The following UNC5C variants were observed in gnomAD, a reference collection of about 807,000 sequenced individuals.
The protein encoded by UNC5C is unc-5 netrin receptor C.
A neutral mutation model predicts 99.8 loss-of-function variants in UNC5C; 47 were observed. The ratio of observed to expected loss-of-function variants is 0.47; its 90% CI spans 0.37 to 0.60. The LOEUF is 0.60. Among genes scored for constraint, UNC5C ranks in the 20% least tolerant of loss-of-function variants. The pLI, the probability that UNC5C is intolerant of heterozygous loss-of-function variation, is 0.00. For missense variants in UNC5C, 1,062 were observed against 1,165.9 expected (o/e 0.91, Z 1.30); for synonymous variants, 487 against 452.2 (o/e 1.08, Z -0.98).
At chr4:95,378,796 A>G (rs538828354) in intron 1 of UNC5C, among the ~76,000 whole-genome samples, 1 of 152,322 alleles carries the variant, frequency 6.6e-6, no homozygotes, top group Admixed American at 6.5e-5. Context: ...TCCTATAGCT[A>G]CTAAGCACAA....
chr4:95,210,555 T>G (rs1186867964), intron 10 of UNC5C, among the ~76,000 whole-genome samples: 1 of 152,152 alleles, frequency 6.6e-6, no homozygotes, highest in Non-Finnish European at 1.5e-5. Context: ...CTATGTCTCA[T>G]GTGTTTTCTA....
chr4:95,547,009 G>A (rs13149449), intron 1 of UNC5C, among the ~76,000 whole-genome samples: 8,704 of 151,728 alleles, frequency 0.057, 267 homozygotes, highest in Middle Eastern at 0.071. Context: ...AGGGAGTCGC[G>A]CGGTTGATTC....
At chr4:95,282,118 G>A (rs960759461) in intron 3 of UNC5C, among the ~76,000 whole-genome samples, 3 of 152,068 alleles carry the variant, frequency 2.0e-5, no homozygotes, top group African/African-American at 4.8e-5. Flanking sequence ...GCATCACCAG[G>A]GAGAGACTGC....
chr4:95,216,002 A>C (rs1050387595), intron 10 of UNC5C, 122 bp downstream of exon 10: 44 of 676,778 alleles, frequency 6.5e-5, no homozygotes, highest in Non-Finnish European at 9.3e-5. Context: ...CAAGGGAAAA[A>C]GAATGTATGC....
intron 1 of UNC5C, among the ~76,000 whole-genome samples, chr4:95,369,591 G>GT (rs1744685578): frequency 1.3e-5 from 2 of 152,002 alleles, no homozygotes; most frequent in Admixed American, 6.6e-5. Context: ...AATATTCCAA[G>GT]TGTACTAAAA....
At position 95,355,238 on chromosome 4, in the gene UNC5C, A is replaced by AC. The variant is rs371751752; in HGVS notation, c.125-19608_125-19607insG. 3.7e-4 allele frequency among the ~76,000 whole-genome samples: 56 copies of AC among 152,308 alleles called. No individual in the cohort carries two copies. The Middle Eastern group carries it at 0.01, about 28-fold the overall frequency. ...AATGTGGCGACAGTGTGTGGGTTACATGAAATAAGGGAATGTAAATGACCT... is the reference window on the plus strand; with the variant it reads ...AATGTGGCGACAGTGTGTGGGTTACACTGAAATAAGGGAATGTAAATGACCT... On this transcript the variant is annotated intron_variant, in intron 1 of 15. Coordinates refer to ENST00000453304, the MANE Select transcript of UNC5C (RefSeq NM_003728.4).
intron 1 of UNC5C, among the ~76,000 whole-genome samples, chr4:95,437,561 T>C (rs903728255): frequency 6.6e-6 from 1 of 152,044 alleles, no homozygotes; most frequent in African/African-American, 2.4e-5. Context: ...CCTTCTTTCA[T>C]GCATATACAT....
chr4:95,289,977 T>C (rs915828313), intron 3 of UNC5C, among the ~76,000 whole-genome samples: 1 of 152,172 alleles, frequency 6.6e-6, no homozygotes, highest in African/African-American at 2.4e-5. Flanking sequence ...GCAACTCTTA[T>C]TGTGGTTTGT....
At chr4:95,476,746 A>G (rs1321623794) in intron 1 of UNC5C, among the ~76,000 whole-genome samples, 1 of 135,022 alleles carries the variant, frequency 7.4e-6, no homozygotes, top group East Asian at 2.2e-4. Flanking sequence ...TTGCAGTAAG[A>G]ATTTGTCCAT....
intron 2 of UNC5C, among the ~76,000 whole-genome samples, chr4:95,312,297 G>A (rs1479231944): frequency 1.3e-5 from 2 of 152,110 alleles, no homozygotes; most frequent in African/African-American, 4.8e-5. Context: ...ATTGAGCATA[G>A]GCCCTGTCCT....
chr4:95,358,298 A>G (rs750112013), intron 1 of UNC5C, among the ~76,000 whole-genome samples: 1 of 152,186 alleles, frequency 6.6e-6, no homozygotes, highest in Non-Finnish European at 1.5e-5. Context: ...GGCATGTGAT[A>G]GAATTCATTT....
chr4:95,229,994 TA>T (rs1336831406), intron 7 of UNC5C, among the ~76,000 whole-genome samples: 1 of 151,782 alleles, frequency 6.6e-6, no homozygotes, highest in Non-Finnish European at 1.5e-5. Context: ...GTATTTTTAG[TA>T]GAAATGGATT....
chr4:95,335,133 T>C (rs184016692), intron 2 of UNC5C, among the ~76,000 whole-genome samples: 2 of 152,106 alleles, frequency 1.3e-5, no homozygotes, highest in Non-Finnish European at 2.9e-5. Context: ...GCATTTAACA[T>C]TGTCAGTCTA....
chr4:95,380,325 T>G (rs1280801542), intron 1 of UNC5C, among the ~76,000 whole-genome samples: 2 of 152,228 alleles, frequency 1.3e-5, no homozygotes, highest in East Asian at 3.8e-4. Flanking sequence ...ACATTTTGTC[T>G]CATTAACATG....
chr4:95,323,688 T>A (rs1406545547), intron 2 of UNC5C, among the ~76,000 whole-genome samples: 1 of 152,172 alleles, frequency 6.6e-6, no homozygotes, highest in Non-Finnish European at 1.5e-5. Context: ...GACATTAAGA[T>A]CTCATGATAT....
At chr4:95,342,454 C>A (rs1345886492) in intron 1 of UNC5C, among the ~76,000 whole-genome samples, 1 of 152,016 alleles carries the variant, frequency 6.6e-6, no homozygotes, top group African/African-American at 2.4e-5. Flanking sequence ...CAAGTCCTGG[C>A]AGAATTAATC....
intron 1 of UNC5C, among the ~76,000 whole-genome samples, chr4:95,336,500 T>C (rs1393720114): frequency 6.6e-6 from 1 of 151,968 alleles, no homozygotes; most frequent in Non-Finnish European, 1.5e-5. Flanking sequence ...GTAGTAAATA[T>C]AGAGCATGGT....
rs1484296798 is a variant in UNC5C at position 95,331,059 on chromosome 4, T to C, written c.346+4351A>G. On this transcript the variant is annotated intron_variant, in intron 2 of 15. Transcript: ENST00000453304. Reference sequence around the variant, plus strand: ...TTTAGCTCTCACAAGTGAGAATATGTGGCATTTATTAATATATTTCTGGGT... The same window carrying C: ...TTTAGCTCTCACAAGTGAGAATATGCGGCATTTATTAATATATTTCTGGGT... 7.9e-5 allele frequency among the ~76,000 whole-genome samples: 12 copies of C among 152,128 alleles called. 1 individual carries two copies. The highest frequency in any genetic ancestry group is 1.8e-4 in the Non-Finnish European group (12 of 67,996).
intron 3 of UNC5C, among the ~76,000 whole-genome samples, chr4:95,288,684 C>G (rs1003228849): frequency 2.0e-5 from 3 of 152,206 alleles, no homozygotes; most frequent in African/African-American, 7.2e-5. Flanking sequence ...CTTGCCTCTC[C>G]CAGATTCCAG....
Sources: gnomAD v4.1 joint callset for allele counts (sites outside exome capture counted in the v4.1 genomes callset) on GRCh38, gnomAD v4.1.1 for gene constraint, MANE v1.5 for transcripts, NCBI Gene and HGNC (gene_info 2026-07-23, HGNC 2026-07-21) for gene names.